TBC1D5: variants seen among roughly 807,000 people sequenced by gnomAD.
The protein encoded by TBC1D5 is TBC1 domain family, member 5.
In TBC1D5, 75 loss-of-function variants were observed where a neutral mutation model predicts 100.3. The ratio of observed to expected loss-of-function variants is 0.75; its 90% CI spans 0.62 to 0.91. The LOEUF is 0.91. Among genes scored for constraint, TBC1D5 ranks in the 40% least tolerant of loss-of-function variants. TBC1D5 has a pLI of 0.00. For synonymous variants in TBC1D5, 323 were observed against 325.6 expected (o/e 0.99, Z 0.09); for missense variants, 910 against 942.4 (o/e 0.97, Z 0.45).
intron 1 of TBC1D5, among the ~76,000 whole-genome samples, chr3:17,660,577 T>G (rs1228396635): frequency 6.6e-6 from 1 of 152,204 alleles, no homozygotes; most frequent in Non-Finnish European, 1.5e-5. Flanking sequence ...TGAGAAAAAT[T>G]CTTGTTTCCC....
intron 21 of TBC1D5, among the ~76,000 whole-genome samples, chr3:17,162,809 C>A (rs1159515505): frequency 6.6e-6 from 1 of 152,138 alleles, no homozygotes; most frequent in East Asian, 1.9e-4. Context: ...TTGGGGAGTG[C>A]ATTGAAAGCT....
chr3:17,647,254 A>G (rs2065096171), intron 1 of TBC1D5, among the ~76,000 whole-genome samples: 1 of 152,154 alleles, frequency 6.6e-6, no homozygotes. Flanking sequence ...AGCTAGATAA[A>G]CCACAGAAAA....
rs1333363213 is a variant in TBC1D5, at chr3:17,690,206, T to A, written c.-101+49137A>T. The stretch of plus-strand genomic sequence containing the variant: ...AACTGAAGCATAAAAATAGCCATAT[T>A]TTTTTTTTTTTTTTTTTTTTTTTTT... On this transcript the variant is annotated intron_variant, in intron 1 of 21. Transcript: ENST00000253692. 1.0e-4 allele frequency among the ~76,000 whole-genome samples: 4 copies of A among 38,748 alleles called. 1 individual carries two copies. Among genetic ancestry groups the A allele is most frequent in the African/African-American group, 2.5e-4 (3 of 11,838 alleles). The allele number at this position is 38,748 out of a possible 152,430, so 25.4% of individuals were successfully genotyped here.
intron 1 of TBC1D5, among the ~76,000 whole-genome samples, chr3:17,696,449 C>T (rs538186396): frequency 6.6e-6 from 1 of 152,226 alleles, no homozygotes; most frequent in Non-Finnish European, 1.5e-5. Flanking sequence ...ATACAAACTA[C>T]CATCAGAGGA....
intron 1 of TBC1D5, among the ~76,000 whole-genome samples, chr3:17,682,664 T>C (rs2069659998): frequency 6.6e-6 from 1 of 151,530 alleles, no homozygotes; most frequent in South Asian, 2.1e-4. Context: ...TTCATACCTG[T>C]TGTCGTTACA....
intron 1 of TBC1D5, among the ~76,000 whole-genome samples, chr3:17,702,742 C>T (rs2073389071): frequency 6.6e-6 from 1 of 152,076 alleles, no homozygotes; most frequent in Non-Finnish European, 1.5e-5. Context: ...AATTTAATTG[C>T]TTATTGAGCC....
intron 17 of TBC1D5, among the ~76,000 whole-genome samples, chr3:17,226,492 CCT>C (rs1379258445): frequency 1.3e-5 from 2 of 152,110 alleles, no homozygotes; most frequent in Non-Finnish European, 2.9e-5. Context: ...TGATGGCTCC[CCT>C]GAGTTCTTCT....
At chr3:17,284,760 T>C (rs1419957479) in intron 15 of TBC1D5, among the ~76,000 whole-genome samples, 1 of 152,208 alleles carries the variant, frequency 6.6e-6, no homozygotes, top group Non-Finnish European at 1.5e-5. Context: ...AATCTTTGTT[T>C]TAGAGCCAGC....
chr3:17,526,611 G>A (rs764580928), intron 2 of TBC1D5, among the ~76,000 whole-genome samples: 17 of 152,136 alleles, frequency 1.1e-4, no homozygotes, highest in South Asian at 2.1e-4. Context: ...TTCCTCACAC[G>A]TAAAATGGTG....
chr3:17,361,229 A>AT (rs1006163900), intron 13 of TBC1D5, among the ~76,000 whole-genome samples: 7 of 150,274 alleles, frequency 4.7e-5, no homozygotes, highest in South Asian at 2.1e-4. Flanking sequence ...GAGTTGCCTA[A>AT]TTTTTTTTTT....
At chr3:17,696,855 A>G (rs560578435) in intron 1 of TBC1D5, among the ~76,000 whole-genome samples, 11 of 152,368 alleles carry the variant, frequency 7.2e-5, no homozygotes, top group South Asian at 6.2e-4. Flanking sequence ...AAAATTCTCA[A>G]TAAAATACTG....
intron 3 of TBC1D5, among the ~76,000 whole-genome samples, chr3:17,500,124 A>C (rs2095766588): frequency 6.7e-6 from 1 of 149,594 alleles, no homozygotes; most frequent in Non-Finnish European, 1.5e-5. Context: ...TGGTTCAATG[A>C]CTGTTCACAT....
At chr3:17,483,802 G>A (rs80174604) in intron 3 of TBC1D5, among the ~76,000 whole-genome samples, 4,279 of 152,176 alleles carry the variant, frequency 0.028, 215 homozygotes, top group East Asian at 0.14. Flanking sequence ...TTAATTAAAT[G>A]TACATAAAGG....
chr3:17,454,018 G>A (rs1193124609), intron 3 of TBC1D5, among the ~76,000 whole-genome samples: 2 of 152,158 alleles, frequency 1.3e-5, no homozygotes, highest in African/African-American at 4.8e-5. Flanking sequence ...AAAACCACAT[G>A]ATCATTTAAA....
intron 1 of TBC1D5, among the ~76,000 whole-genome samples, chr3:17,698,668 A>C (rs2072579982): frequency 6.7e-6 from 1 of 148,706 alleles, no homozygotes; most frequent in African/African-American, 2.5e-5. Context: ...AATATCCAGA[A>C]TCTACAATGA....
At chr3:17,358,454 G>C (rs1246870732) in intron 13 of TBC1D5, among the ~76,000 whole-genome samples, 1 of 152,096 alleles carries the variant, frequency 6.6e-6, no homozygotes, top group Admixed American at 6.5e-5. Flanking sequence ...CCAAAGTGCT[G>C]GGATTACAGG....
chr3:17,476,708 A>G (rs1418637708), intron 3 of TBC1D5, among the ~76,000 whole-genome samples: 2 of 151,986 alleles, frequency 1.3e-5, no homozygotes, highest in Non-Finnish European at 2.9e-5. Flanking sequence ...CTCTGTGACA[A>G]TAAGTCTTCT....
intron 13 of TBC1D5, among the ~76,000 whole-genome samples, chr3:17,331,580 ATGCC>A (rs2086869742): frequency 6.6e-6 from 1 of 152,242 alleles, no homozygotes; most frequent in Non-Finnish European, 1.5e-5. Flanking sequence ...GAATGTATCT[ATGCC>A]AGGTGCTGTT....
chr3:17,468,718 G>A (rs1394110218), intron 3 of TBC1D5, among the ~76,000 whole-genome samples: 1 of 152,136 alleles, frequency 6.6e-6, no homozygotes, highest in Non-Finnish European at 1.5e-5. Context: ...AGGCTGTAGA[G>A]AATCCAGCCC....
Sources: gnomAD v4.1 joint callset for allele counts (sites outside exome capture counted in the v4.1 genomes callset) on GRCh38, gnomAD v4.1.1 for gene constraint, MANE v1.5 for transcripts, NCBI Gene and HGNC (gene_info 2026-07-23, HGNC 2026-07-21) for gene names.